Variants in OSBPL9 observed in about 807,000 individuals in gnomAD.
OSBPL9 encodes oxysterol binding protein like 9.
Under a neutral mutation model 106.6 loss-of-function variants are expected in OSBPL9, and 40 were observed. The ratio of observed to expected loss-of-function variants is 0.38; its 90% CI spans 0.29 to 0.49. The LOEUF (loss-of-function observed/expected upper bound fraction) is 0.49, where lower values mean the gene tolerates loss of function less well. Among genes scored for constraint, OSBPL9 ranks in the 20% least tolerant of loss-of-function variants. The probability of loss-of-function intolerance (pLI) is 0.97; values close to 1 mark genes in which losing one functional copy is unlikely to be tolerated. For missense variants in OSBPL9, 609 were observed against 887.2 expected (o/e 0.69, Z 3.98); for synonymous variants, 269 against 295.4 (o/e 0.91, Z 0.92).
At chr1:51,700,110 A>G (rs1177940827) in intron 3 of OSBPL9, among the ~76,000 whole-genome samples, 1 of 152,172 alleles carries the variant, frequency 6.6e-6, no homozygotes, top group Non-Finnish European at 1.5e-5. Context: ...TCCTTTTGTA[A>G]ATGTCACCAT....
chr1:51,650,859 A>T (rs927062200), intron 1 of OSBPL9, among the ~76,000 whole-genome samples: 1 of 152,244 alleles, frequency 6.6e-6, no homozygotes, highest in African/African-American at 2.4e-5. Flanking sequence ...GAATGTAAAC[A>T]TAGCACTTTT....
chr1:51,726,746 T>A (rs1454581639), intron 4 of OSBPL9, among the ~76,000 whole-genome samples: 1 of 152,228 alleles, frequency 6.6e-6, no homozygotes, highest in African/African-American at 2.4e-5. Flanking sequence ...TCACTTTATT[T>A]TGAAACAGCT....
At chr1:51,591,530 G>T (rs184434599) in intron 1 of OSBPL9, among the ~76,000 whole-genome samples, 7 of 152,294 alleles carry the variant, frequency 4.6e-5, no homozygotes, top group African/African-American at 1.7e-4. Flanking sequence ...TATCTTGCCG[G>T]GCACAGTGGC....
chr1:51,745,389 A>G (rs528975834), intron 4 of OSBPL9, 147 bp from the exon 5 acceptor site: 2 of 1,179,598 alleles, frequency 1.7e-6, no homozygotes, highest in East Asian at 5.6e-5. Context: ...AAATAGACCT[A>G]ACTGTTAAAT....
intron 1 of OSBPL9, among the ~76,000 whole-genome samples, chr1:51,649,801 C>T (rs552151293): frequency 6.8e-6 from 1 of 146,802 alleles, no homozygotes; most frequent in South Asian, 2.2e-4. Context: ...TAGAATGTCA[C>T]ACATTCTGGA....
At chr1:51,759,990 T>C (rs541473784) in intron 9 of OSBPL9, 22 of 152,332 alleles carry the variant, frequency 1.4e-4, no homozygotes, top group African/African-American at 5.3e-4. Context: ...AGTACCTCTT[T>C]ACTGAATATG....
chr1:51,567,836 G>C, the OSBPL9 span: 1 of 152,170 alleles, frequency 6.6e-6, no homozygotes, highest in Non-Finnish European at 1.5e-5. Flanking sequence ...AGCCACAAAT[G>C]TCAGGGCCTG....
chr1:51,741,223 A>G (rs1319199674), intron 4 of OSBPL9, among the ~76,000 whole-genome samples: 1 of 152,112 alleles, frequency 6.6e-6, no homozygotes, highest in Non-Finnish European at 1.5e-5. Flanking sequence ...AAGTCTAGTT[A>G]TATTATTTTA....
intron 4 of OSBPL9, among the ~76,000 whole-genome samples, chr1:51,741,676 G>T (rs1331968160): frequency 2.0e-5 from 3 of 151,048 alleles, no homozygotes; most frequent in African/African-American, 7.3e-5. Flanking sequence ...ATTCACCACA[G>T]AAGTGGTTTT....
At chr1:51,670,311 G>T (rs1570952238) in intron 3 of OSBPL9, among the ~76,000 whole-genome samples, 1 of 152,170 alleles carries the variant, frequency 6.6e-6, no homozygotes, top group East Asian at 1.9e-4. Flanking sequence ...AGCAGTTCAA[G>T]AAACTTAGAA....
intron 2 of OSBPL9, among the ~76,000 whole-genome samples, chr1:51,666,702 A>G (rs1047491892): frequency 6.6e-6 from 1 of 152,176 alleles, no homozygotes; most frequent in Non-Finnish European, 1.5e-5. Context: ...AGCTGAATTC[A>G]TATGGGGTGT....
chr1:51,684,725 G>A (rs978116378), intron 3 of OSBPL9, among the ~76,000 whole-genome samples: 2 of 151,970 alleles, frequency 1.3e-5, no homozygotes, highest in Non-Finnish European at 2.9e-5. Context: ...GTAGAGACAG[G>A]GTTTTACCAT....
the OSBPL9 span, among the ~76,000 whole-genome samples, chr1:51,545,946 T>C: frequency 1.3e-5 from 2 of 152,132 alleles, no homozygotes; most frequent in African/African-American, 4.8e-5. Flanking sequence ...TGTGAAAAAC[T>C]AACAAAGAAA....
the OSBPL9 span, among the ~76,000 whole-genome samples, chr1:51,548,452 A>C: frequency 6.6e-6 from 1 of 152,030 alleles, no homozygotes; most frequent in African/African-American, 2.4e-5. Context: ...GCTGGAATGC[A>C]GTGGCATCAT....
At chr1:51,718,624 G>T (rs955913302) in intron 4 of OSBPL9, among the ~76,000 whole-genome samples, 3 of 152,094 alleles carry the variant, frequency 2.0e-5, no homozygotes, top group Non-Finnish European at 4.4e-5. Flanking sequence ...ACTGTTAGAG[G>T]TCACAAAAGC....
intron 1 of OSBPL9, among the ~76,000 whole-genome samples, chr1:51,592,661 C>T (rs565117327): frequency 1.3e-5 from 2 of 152,304 alleles, no homozygotes; most frequent in African/African-American, 4.8e-5. Context: ...GAGGTGAGGT[C>T]GTGCAGACCA....
chr1:51,629,639 G>A (rs1057482413), intron 1 of OSBPL9, among the ~76,000 whole-genome samples: 3 of 152,112 alleles, frequency 2.0e-5, no homozygotes, highest in African/African-American at 7.2e-5. Context: ...AGATTCATAG[G>A]AGAAAAGGCA....
At chr1:51,697,424 A>C (rs1340160458) in intron 3 of OSBPL9, among the ~76,000 whole-genome samples, 1 of 151,352 alleles carries the variant, frequency 6.6e-6, no homozygotes, top group East Asian at 1.9e-4. Context: ...CTTTCAGAGA[A>C]AAGGAGGCCT....
upstream of OSBPL9, among the ~76,000 whole-genome samples, chr1:51,616,025 T>G (rs994914469): frequency 0.014 from 2,034 of 142,170 alleles, 51 homozygotes; most frequent in African/African-American, 0.052. Flanking sequence ...TTTTTTTTTT[T>G]TTTGTGTGAG....
Sources: gnomAD v4.1 joint callset for allele counts (sites outside exome capture counted in the v4.1 genomes callset) on GRCh38, gnomAD v4.1.1 for gene constraint, MANE v1.5 for transcripts, NCBI Gene and HGNC (gene_info 2026-07-23, HGNC 2026-07-21) for gene names.